Variants in SNTG1 observed in about 807,000 individuals in gnomAD.
SNTG1 encodes syntrophin gamma 1.
In SNTG1, 39 loss-of-function variants were observed where a neutral mutation model predicts 74.7. That is an observed-to-expected ratio of 0.52 (90% CI 0.40 to 0.68). SNTG1 has a LOEUF of 0.68. SNTG1 is among the 30% of genes least tolerant of loss of function. The pLI, the probability that SNTG1 is intolerant of heterozygous loss-of-function variation, is 0.00. For synonymous variants in SNTG1, 254 were observed against 217.1 expected, an observed-to-expected ratio of 1.17 and a Z score of -1.49; for missense variants, 685 against 609.5, an observed-to-expected ratio of 1.12 and a Z score of -1.30.
chr8:50,578,900 G>T (rs920077714), intron 12 of SNTG1, among the ~76,000 whole-genome samples: 1 of 152,132 alleles, frequency 6.6e-6, no homozygotes, highest in Admixed American at 6.6e-5. Flanking sequence ...TAGTAAATTG[G>T]TTCAGGAGTG....
chr8:50,229,604 T>TG (rs1276791547), intron 2 of SNTG1, among the ~76,000 whole-genome samples: 1 of 151,512 alleles, frequency 6.6e-6, no homozygotes, highest in Non-Finnish European at 1.5e-5. Flanking sequence ...ACTTGATAGT[T>TG]GTTAAAGATA....
At chr8:50,647,930 A>G (rs1271879004) in intron 13 of SNTG1, among the ~76,000 whole-genome samples, 1 of 151,630 alleles carries the variant, frequency 6.6e-6, no homozygotes, top group Non-Finnish European at 1.5e-5. Flanking sequence ...CTGTTTCTTT[A>G]GAATTATTAT....
intron 17 of SNTG1, among the ~76,000 whole-genome samples, chr8:50,721,677 A>G (rs1446195304): frequency 6.6e-6 from 1 of 152,224 alleles, no homozygotes; most frequent in Non-Finnish European, 1.5e-5. Context: ...AAGAAGAAAT[A>G]TATGTGGAAA....
intron 1 of SNTG1, among the ~76,000 whole-genome samples, chr8:50,148,462 G>T (rs990746859): frequency 6.6e-6 from 1 of 152,068 alleles, no homozygotes; most frequent in Non-Finnish European, 1.5e-5. Context: ...CAACGTGCAG[G>T]TTTGTTACAT....
At chr8:50,701,670 T>C (rs1337553310) in intron 15 of SNTG1, among the ~76,000 whole-genome samples, 2 of 137,142 alleles carry the variant, frequency 1.5e-5, no homozygotes, top group African/African-American at 6.4e-5. Context: ...CTTCTTCTTC[T>C]TCCTTCTTCT....
intron 2 of SNTG1, among the ~76,000 whole-genome samples, chr8:50,297,233 A>G (rs1003419636): frequency 2.6e-5 from 4 of 152,190 alleles, no homozygotes; most frequent in East Asian, 1.9e-4. Context: ...AAGCATAGAT[A>G]GTATCAAATC....
intron 8 of SNTG1, among the ~76,000 whole-genome samples, chr8:50,456,607 T>C (rs538350702): frequency 1.3e-5 from 2 of 152,288 alleles, no homozygotes; most frequent in Non-Finnish European, 2.9e-5. Flanking sequence ...ATTCTGTTCA[T>C]GAGAGTGAAA....
intron 2 of SNTG1, among the ~76,000 whole-genome samples, chr8:50,327,607 C>A (rs1231169996): frequency 2.0e-5 from 3 of 152,110 alleles, no homozygotes; most frequent in African/African-American, 7.2e-5. Flanking sequence ...TTTTTATCCA[C>A]TCTGACAACC....
intron 2 of SNTG1, among the ~76,000 whole-genome samples, chr8:50,215,884 G>A (rs752858329): frequency 2.0e-4 from 30 of 152,140 alleles, no homozygotes; most frequent in Non-Finnish European, 3.5e-4. Context: ...TGAGTAATAT[G>A]CAGTTTAATT....
intron 2 of SNTG1, among the ~76,000 whole-genome samples, chr8:50,263,069 A>G (rs533809870): frequency 2.6e-5 from 4 of 152,300 alleles, no homozygotes; most frequent in East Asian, 3.9e-4. Context: ...GTCCAAATGT[A>G]TGTACACAAG....
At chr8:50,644,919 CTT>C (rs36012475) in intron 13 of SNTG1, among the ~76,000 whole-genome samples, 31,664 of 135,402 alleles carry the variant, frequency 0.23, 4,047 homozygotes, top group African/African-American at 0.36. Context: ...TGCCCAGGTG[CTT>C]TTTTTTTTTT....
intron 1 of SNTG1, among the ~76,000 whole-genome samples, chr8:50,055,459 T>G (rs1417700463): frequency 6.6e-6 from 1 of 152,122 alleles, no homozygotes; most frequent in Non-Finnish European, 1.5e-5. Context: ...ATGCTCCTGT[T>G]TCTTTAAATT....
chr8:50,604,204 A>G (rs1240837741), intron 13 of SNTG1, among the ~76,000 whole-genome samples: 6 of 152,146 alleles, frequency 3.9e-5, no homozygotes. Context: ...AGATCACTTT[A>G]GCTCAGGAGT....
intron 8 of SNTG1, among the ~76,000 whole-genome samples, chr8:50,456,779 C>A (rs1000460827): frequency 1.3e-5 from 2 of 152,012 alleles, no homozygotes; most frequent in Admixed American, 6.6e-5. Flanking sequence ...CTTAGGAGGG[C>A]CCCAGCCGAT....
At chr8:50,542,949 T>C (rs1431858268) in intron 11 of SNTG1, among the ~76,000 whole-genome samples, 1 of 152,200 alleles carries the variant, frequency 6.6e-6, no homozygotes, top group African/African-American at 2.4e-5. Context: ...TTTATTGTTA[T>C]TGAGTTGTTT....
intron 8 of SNTG1, among the ~76,000 whole-genome samples, chr8:50,468,778 G>C (rs1438745609): frequency 6.6e-6 from 1 of 151,866 alleles, no homozygotes; most frequent in Non-Finnish European, 1.5e-5. Flanking sequence ...TTCTCTTATT[G>C]TATCAATTAT....
rs537173429 is a variant in SNTG1 at position 50,772,376 on chromosome 8, T to C, written c.1395+20265T>C. Reference sequence around the variant, plus strand: ...TCTGCCCTGCTGTGTTTTGGACTTATGTAGGGCCTGTCATTTATTTCTTTT... The same window carrying C: ...TCTGCCCTGCTGTGTTTTGGACTTACGTAGGGCCTGTCATTTATTTCTTTT... On this transcript the variant is annotated intron_variant, in intron 18 of 18. Transcript: ENST00000642720. Among the ~76,000 whole-genome samples the C allele has an allele frequency of 1.0e-3, 157 of 152,280 alleles. 1 individual carries two copies. Among genetic ancestry groups the C allele is most frequent in the African/African-American group, 3.6e-3 (151 of 41,566 alleles).
At chr8:50,561,115 G>A (rs1454994391) in intron 12 of SNTG1, among the ~76,000 whole-genome samples, 2 of 152,054 alleles carry the variant, frequency 1.3e-5, no homozygotes, top group Non-Finnish European at 2.9e-5. Flanking sequence ...TTGGATCATG[G>A]GAGTGGTTTC....
intron 8 of SNTG1, among the ~76,000 whole-genome samples, chr8:50,480,205 C>A (rs1296535316): frequency 6.7e-6 from 1 of 149,352 alleles, no homozygotes; most frequent in Non-Finnish European, 1.5e-5. Flanking sequence ...ATTTACCCCA[C>A]CTGAATTTTA....
Sources: allele counts gnomAD v4.1 joint callset (sites outside exome capture counted in the v4.1 genomes callset), GRCh38; gene constraint gnomAD v4.1.1; transcripts MANE v1.5; gene names NCBI Gene and HGNC (gene_info 2026-07-23, HGNC 2026-07-21).